Variants in SNX31 observed in about 807,000 individuals in gnomAD.
The protein encoded by SNX31 is sorting nexin-31.
Under a neutral mutation model 65.4 loss-of-function variants are expected in SNX31, and 58 were observed. That is an observed-to-expected ratio of 0.89 (90% CI 0.72 to 1.10). SNX31 has a LOEUF of 1.10. Ranked by LOEUF, SNX31 falls within the 50% of genes least tolerant of loss-of-function variation. SNX31 has a pLI of 0.00. For missense variants in SNX31, 523 were observed against 529.7 expected (o/e 0.99, Z 0.12); for synonymous variants, 181 against 190.1 (o/e 0.95, Z 0.39).
In SNX31 at chr8:100,588,741, C is replaced by T. The variant is rs1440025282; in HGVS notation, c.1092+125G>A. 10 of 564,872 alleles carry T rather than the reference C, an allele frequency of 1.8e-5. No individual in the cohort carries two copies. The highest frequency in any genetic ancestry group is 3.8e-4 in the Middle Eastern group (1 of 2,658). The allele number at this position is 564,872 out of a possible 1,614,324, so 35.0% of individuals were successfully genotyped here. ...AAATAAAAGGTATTACGGTCCCGAA[C>T]GAGAGTGCATAGAACACTTTAGGGT... On this transcript the variant is annotated intron_variant, in intron 11 of 13. Transcript: ENST00000311812. This position sits in a 1 kb window ranked among gnomAD's most constrained non-coding sequence, Gnocchi z 4.8.
intron 3 of SNX31, among the ~76,000 whole-genome samples, chr8:100,633,041 C>T (rs1818513713): frequency 6.6e-6 from 1 of 152,128 alleles, no homozygotes; most frequent in South Asian, 2.1e-4. Context: ...CCTCCCACCT[C>T]AGCCTTCCAA....
At chr8:100,577,433 G>C (rs150989351) in intron 12 of SNX31, among the ~76,000 whole-genome samples, 1 of 152,158 alleles carries the variant, frequency 6.6e-6, no homozygotes, top group East Asian at 1.9e-4. Context: ...AAAGCCCAGC[G>C]GGGCTTTGGT....
intron 1 of SNX31, chr8:100,657,915 AC>A: frequency 2.8e-6 from 1 of 361,716 alleles, no homozygotes; most frequent in Non-Finnish European, 5.4e-6. Context: ...AACAACAACA[AC>A]AACAAACAAC....
chr8:100,602,792 A>G (rs746727582), intron 8 of SNX31, among the ~76,000 whole-genome samples: 13 of 152,206 alleles, frequency 8.5e-5, no homozygotes, highest in Non-Finnish European at 1.8e-4. Flanking sequence ...CCAGCAAGAC[A>G]TTTCATCATA....
chr8:100,579,253 T>C (rs1813300465), intron 12 of SNX31, among the ~76,000 whole-genome samples: 1 of 152,176 alleles, frequency 6.6e-6, no homozygotes, highest in South Asian at 2.1e-4. Flanking sequence ...ATCGAACCAC[T>C]ACAAATGTTA....
chr8:100,583,710 T>C (rs1234211767), intron 12 of SNX31, among the ~76,000 whole-genome samples: 1 of 152,192 alleles, frequency 6.6e-6, no homozygotes, highest in Non-Finnish European at 1.5e-5. Flanking sequence ...AAGCTATGGA[T>C]TCTTTCTAGA....
rs144025217 is a variant in SNX31 at position 100,574,378 on chromosome 8, A to T, written c.1228-418T>A. ...GCCAGGCGCAGTGGCTCATGCCTGT[A>T]ATCCCAACACTTTGGGAGGCCAAGG... On this transcript the variant is annotated intron_variant, in intron 13 of 13. Coordinates refer to ENST00000311812, the MANE Select transcript of SNX31 (RefSeq NM_152628.4). 7.4e-3 allele frequency among the ~76,000 whole-genome samples: 1,133 copies of T among 152,354 alleles called. 30 individuals carry two copies. In the East Asian group the frequency reaches 0.086, roughly 12 times the overall value.
intron 8 of SNX31, 72 bp from the exon 9 acceptor site, chr8:100,600,513 G>A (rs62513873): frequency 0.064 from 80,634 of 1,255,906 alleles, 2,906 homozygotes; most frequent in African/African-American, 0.093. Context: ...ACATACTCTT[G>A]TATGAAGGGA....
At chr8:100,641,971 C>T (rs935493758) in intron 2 of SNX31, among the ~76,000 whole-genome samples, 17 of 151,770 alleles carry the variant, frequency 1.1e-4, no homozygotes, top group African/African-American at 2.4e-4. Context: ...CCCAGCTACT[C>T]GGGAGGCTGA....
Position 100,612,963 on chromosome 8 carries a change from C to T in SNX31, c.523+32G>A, listed in dbSNP as rs1207355908. On this transcript the variant is annotated intron_variant, in intron 6 of 13. Coordinates refer to ENST00000311812, the MANE Select transcript of SNX31 (RefSeq NM_152628.4). The surrounding 1 kb of genome is among the most constrained non-coding windows in gnomAD (Gnocchi z 4.3). ...CTGCTCACACCTGTCCACCCCATCT[C>T]CTAGCTGATTCATTTGTTCCTTCCT... 1.3e-6 allele frequency: 2 copies of T among 1,596,402 alleles called. No individual in the cohort carries two copies. The highest frequency in any genetic ancestry group is 1.7e-5 in the Admixed American group (1 of 59,996).
intron 8 of SNX31, among the ~76,000 whole-genome samples, chr8:100,606,332 G>A (rs1354925450): frequency 6.6e-6 from 1 of 152,166 alleles, no homozygotes; most frequent in Non-Finnish European, 1.5e-5. Context: ...CCCGTTTCCA[G>A]GCTGAACATA....
rs1818017084 is a variant in SNX31 at position 100,625,998 on chromosome 8, G to T, written c.321+4329C>A. Among the ~76,000 whole-genome samples the T allele has an allele frequency of 1.3e-5, 2 of 152,156 alleles. No homozygotes were observed. The highest frequency in any genetic ancestry group is 1.3e-4 in the Admixed American group (2 of 15,278). Reference sequence around the variant, plus strand: ...TCCCAGCAGTTTGGGAGGCCGAGATGGGTAGATCACCTGAGGTCAGGAGTT... The same window carrying T: ...TCCCAGCAGTTTGGGAGGCCGAGATTGGTAGATCACCTGAGGTCAGGAGTT... On this transcript the variant is annotated intron_variant, in intron 4 of 13. Transcript: ENST00000311812. This position sits in a 1 kb window ranked among gnomAD's most constrained non-coding sequence, Gnocchi z 4.2.
Position 100,596,773 on chromosome 8 carries a change from G to C in SNX31, c.844C>G (p.Pro282Ala), listed in dbSNP as rs747514389. Residue 282 changes from proline (P) to alanine (A), a missense_variant, in exon 10 of 14, where the codon CCA becomes GCA. Coordinates refer to ENST00000311812, the MANE Select transcript of SNX31 (RefSeq NM_152628.4). ...LQLDPCTCDYPESGSGAVLSV... is the reference protein window; with the variant it reads ...LQLDPCTCDYAESGSGAVLSV... The stretch of plus-strand genomic sequence containing the variant: ...AGAACAGCTCCAGAGCCTGATTCTG[G>C]GTAGTCACAGGTACAAGGATCCAGC... 1.2e-6 allele frequency: 2 copies of C among 1,613,984 alleles called. No homozygotes were observed. The highest frequency in any genetic ancestry group is 2.7e-5 in the African/African-American group (2 of 74,896).
Position 100,594,899 on chromosome 8 carries a change from T to C in SNX31, c.978+1740A>G, listed in dbSNP as rs753506474. On this transcript the variant is annotated intron_variant, in intron 10 of 13. Transcript: ENST00000311812. The surrounding 1 kb of genome is among the most constrained non-coding windows in gnomAD (Gnocchi z 4.0). ...GCTAAAAACTAGAAACAACCAGAGG[T>C]TCTTCAATGAGTAAATGGTTAAGCA... 2.0e-5 allele frequency among the ~76,000 whole-genome samples: 3 copies of C among 152,104 alleles called. No individual in the cohort carries two copies. The highest frequency in any genetic ancestry group is 2.9e-5 in the Non-Finnish European group (2 of 68,016).
intron 3 of SNX31, among the ~76,000 whole-genome samples, chr8:100,631,437 CTTTTT>C (rs10652417): frequency 1.5e-5 from 2 of 129,632 alleles, no homozygotes; most frequent in South Asian, 2.4e-4. Context: ...TGCTGTTTTA[CTTTTT>C]TTTTTTTTTT....
rs552789320 is a variant in SNX31 at position 100,610,576 on chromosome 8, C to T, written c.611+1424G>A. Among the ~76,000 whole-genome samples, 1 of 152,308 alleles carries T rather than the reference C, an allele frequency of 6.6e-6. No individual in the cohort carries two copies. Among genetic ancestry groups the T allele is most frequent in the East Asian group, 1.9e-4 (1 of 5,184 alleles). On this transcript the variant is annotated intron_variant, in intron 7 of 13. Coordinates refer to ENST00000311812, the MANE Select transcript of SNX31 (RefSeq NM_152628.4). The surrounding 1 kb of genome is among the most constrained non-coding windows in gnomAD (Gnocchi z 4.0). ...CTTGGCTAGGTTTACGCAGCTAAGA[C>T]CTGAGCAAGGCGCAACTTAGATTCA...
Position 100,660,507 on chromosome 8 carries a change from T to A in SNX31, c.-58+2635A>T, listed in dbSNP as rs983454738. 6.6e-6 allele frequency among the ~76,000 whole-genome samples: 1 copy of A among 152,244 alleles called. No homozygotes were observed. The highest frequency in any genetic ancestry group is 2.4e-5 in the African/African-American group (1 of 41,460). On this transcript the variant is annotated intron_variant, in intron 1 of 5. Coordinates refer to the SNX31 transcript ENST00000520352. The surrounding 1 kb of genome is among the most constrained non-coding windows in gnomAD (Gnocchi z 4.1). Reference sequence around the variant, plus strand: ...GCTCTTCAGAGTGATACTAAATGATTGTGTTTTACACAAGAGATCAAACCA... The same window carrying A: ...GCTCTTCAGAGTGATACTAAATGATAGTGTTTTACACAAGAGATCAAACCA...
intron 4 of SNX31, among the ~76,000 whole-genome samples, chr8:100,620,696 C>T (rs1484228596): frequency 6.6e-6 from 1 of 152,176 alleles, no homozygotes; most frequent in East Asian, 1.9e-4. Context: ...TCATTGGGCT[C>T]ATTGTTTCAC....
chr8:100,608,481 T>C lies in SNX31; in HGVS notation c.681+13A>G. ...TGATCTACGGTGCTGTCTGAGCTCT[T>C]GGTGACCCTCACCTGCATGTAGAGC... On this transcript the variant is annotated intron_variant, in intron 8 of 13. Coordinates refer to ENST00000311812, the MANE Select transcript of SNX31 (RefSeq NM_152628.4). The C allele has an allele frequency of 6.2e-7, 1 of 1,613,866 alleles. No individual in the cohort carries two copies. The highest frequency in any genetic ancestry group is 1.6e-4 in the Middle Eastern group (1 of 6,062).
Sources: gnomAD v4.1 joint callset for allele counts (sites outside exome capture counted in the v4.1 genomes callset) on GRCh38, gnomAD v4.1.1 for gene constraint, Gnocchi (gnomAD v3.1) non-coding constraint, MANE v1.5 for transcripts, NCBI Gene and HGNC (gene_info 2026-07-23, HGNC 2026-07-21) for gene names.